CCDC14: variants seen among roughly 807,000 people sequenced by gnomAD.
CCDC14 encodes the protein coiled-coil domain-containing protein 14.
In CCDC14, 71 loss-of-function variants were observed where a neutral mutation model predicts 81.4. The observed-to-expected ratio is 0.87, with a 90% confidence interval of 0.72 to 1.06. The LOEUF (loss-of-function observed/expected upper bound fraction) is 1.06. Ranked by LOEUF, CCDC14 falls within the 50% of genes least tolerant of loss-of-function variation. The pLI, the probability that CCDC14 is intolerant of heterozygous loss-of-function variation, is 0.00. For missense variants in CCDC14, 1,046 were observed against 1,047.3 expected, an observed-to-expected ratio of 1.00 and a Z score of 0.02; for synonymous variants, 332 against 364.8, an observed-to-expected ratio of 0.91 and a Z score of 1.03.
intron 10 of CCDC14, among the ~76,000 whole-genome samples, chr3:123,931,791 GAAT>G (rs1226555757): frequency 1.3e-5 from 2 of 151,996 alleles, no homozygotes; most frequent in Non-Finnish European, 1.5e-5. Flanking sequence ...CCTTTTAAAA[GAAT>G]AATACATGTA....
chr3:123,955,996 AAAT>A (rs1269680036), intron 4 of CCDC14, 31 bp from the exon 5 acceptor site: 3 of 1,529,138 alleles, frequency 2.0e-6, no homozygotes, highest in African/African-American at 2.8e-5. Flanking sequence ...TGTTACATCA[AAAT>A]AATGACTTGA....
At chr3:123,948,442 A>G (rs1386357709) in intron 7 of CCDC14, among the ~76,000 whole-genome samples, 1 of 151,906 alleles carries the variant, frequency 6.6e-6, no homozygotes, top group Non-Finnish European at 1.5e-5. Context: ...GGGTTTCACC[A>G]TGTTGGCCAG....
rs1469569564 is a variant in CCDC14, at chr3:123,956,772, A to G, written c.54T>C (p.Thr18=). 6.5e-7 allele frequency: 1 copy of G among 1,546,306 alleles called. No individual in the cohort carries two copies. Among genetic ancestry groups the G allele is most frequent in the Non-Finnish European group, 8.7e-7 (1 of 1,142,872 alleles). The part of the protein sequence containing the change: ...PGQVLSSGRH[T]GPAKLTNGKK... The stretch of plus-strand genomic sequence containing the variant: ...TTCCATTTGTTAATTTAGCAGGTCC[A>G]GTGTGCCTTCCTGAAGATAACACCT... The change falls in exon 2 of 13, where the codon ACT becomes ACC. Residue 18 remains threonine, a synonymous_variant. Transcript: ENST00000409697.
chr3:123,911,661 G>A (rs1330254331), downstream of CCDC14, among the ~76,000 whole-genome samples: 1 of 152,034 alleles, frequency 6.6e-6, no homozygotes. Flanking sequence ...CAGAATGTCT[G>A]TCCTGTTTAT....
chr3:123,903,855 G>A (rs982999250), intron 5 of CCDC14, among the ~76,000 whole-genome samples: 1 of 152,074 alleles, frequency 6.6e-6, no homozygotes, highest in African/African-American at 2.4e-5. Context: ...CTAAGGTAGT[G>A]TGATTCTGAA....
intron 12 of CCDC14, among the ~76,000 whole-genome samples, chr3:123,920,274 T>C (rs776959142): frequency 6.6e-6 from 1 of 152,134 alleles, no homozygotes; most frequent in Non-Finnish European, 1.5e-5. Context: ...TGAGATACCA[T>C]CTGAGAAACA....
At chr3:123,905,250 T>C (rs2034282553) in intron 5 of CCDC14, among the ~76,000 whole-genome samples, 1 of 152,146 alleles carries the variant, frequency 6.6e-6, no homozygotes, top group Non-Finnish European at 1.5e-5. Context: ...CCAGTGGGTA[T>C]ATAGGAAATG....
chr3:123,951,621 T>C (rs1459317818), intron 5 of CCDC14, among the ~76,000 whole-genome samples: 3 of 152,214 alleles, frequency 2.0e-5, no homozygotes, highest in African/African-American at 7.2e-5. Context: ...CCTTCTGCTC[T>C]TGGATTTCCT....
chr3:123,937,335 TATTA>T (rs1365818584), intron 9 of CCDC14, among the ~76,000 whole-genome samples: 1 of 152,074 alleles, frequency 6.6e-6, no homozygotes, highest in East Asian at 1.9e-4. Context: ...TCCCAACATT[TATTA>T]ATTTTGAATT....
chr3:123,951,889 AC>A (rs562656761), intron 5 of CCDC14, among the ~76,000 whole-genome samples: 148 of 152,318 alleles, frequency 9.7e-4, no homozygotes, highest in African/African-American at 3.4e-3. Flanking sequence ...ACAAATCTCT[AC>A]GGATAATGTT....
At chr3:123,919,460 A>G (rs894013729) in intron 12 of CCDC14, among the ~76,000 whole-genome samples, 2 of 152,142 alleles carry the variant, frequency 1.3e-5, no homozygotes, top group Non-Finnish European at 2.9e-5. Context: ...CTGCCCAATT[A>G]GATTCTAAAC....
In CCDC14 at chr3:123,956,769, T is replaced by C. The variant is rs1165696978; in HGVS notation, c.57A>G (p.Gly19=). The C allele has an allele frequency of 6.5e-7, 1 of 1,546,762 alleles. No individual in the cohort carries two copies. The highest frequency in any genetic ancestry group is 1.4e-5 in the African/African-American group (1 of 72,884). ...GQVLSSGRHT[G]PAKLTNGKKA... ...TCTTTCCATTTGTTAATTTAGCAGG[T>C]CCAGTGTGCCTTCCTGAAGATAACA... Residue 19 remains glycine, a synonymous_variant, in exon 2 of 13, where the codon GGA becomes GGG. Transcript: ENST00000409697.
chr3:123,885,854 T>C, the CCDC14 span, among the ~76,000 whole-genome samples: 1 of 152,182 alleles, frequency 6.6e-6, no homozygotes, highest in Admixed American at 6.5e-5. Context: ...CATTTATTAG[T>C]TCATAAGTGG....
the CCDC14 span, among the ~76,000 whole-genome samples, chr3:123,887,288 A>G: frequency 6.6e-6 from 1 of 152,088 alleles, no homozygotes; most frequent in Non-Finnish European, 1.5e-5. Context: ...ATGTTTATGT[A>G]TCTTTAGTCA....
intron 12 of CCDC14, among the ~76,000 whole-genome samples, chr3:123,916,907 T>TC (rs979600691): frequency 5.9e-5 from 9 of 152,094 alleles, no homozygotes; most frequent in Admixed American, 3.3e-4. Flanking sequence ...TGGGGCATGA[T>TC]CTCAGCTCAC....
chr3:123,942,592 C>A (rs1357846806), intron 9 of CCDC14, among the ~76,000 whole-genome samples: 2 of 152,076 alleles, frequency 1.3e-5, no homozygotes, highest in Admixed American at 6.6e-5. Context: ...TATTTAATTG[C>A]TTTCCAGTTT....
At chr3:123,899,856 G>A (rs566411755) in intron 5 of CCDC14, among the ~76,000 whole-genome samples, 2 of 152,294 alleles carry the variant, frequency 1.3e-5, no homozygotes, top group African/African-American at 4.8e-5. Context: ...AGCCATGGGA[G>A]CACCTCACTA....
At chr3:123,887,911 CTTTTT>C in the CCDC14 span, among the ~76,000 whole-genome samples, 1 of 151,936 alleles carries the variant, frequency 6.6e-6, no homozygotes. Flanking sequence ...TCCCTTAAAT[CTTTTT>C]AATTTCTTTC....
intron 12 of CCDC14, among the ~76,000 whole-genome samples, chr3:123,922,580 A>G: frequency 6.6e-6 from 1 of 152,156 alleles, no homozygotes; most frequent in East Asian, 1.9e-4. Context: ...ACTATGAGCA[A>G]TTATACACCA....
Sources: allele counts gnomAD v4.1 joint callset (sites outside exome capture counted in the v4.1 genomes callset), GRCh38; gene constraint gnomAD v4.1.1; transcripts MANE v1.5; gene names NCBI Gene and HGNC (gene_info 2026-07-23, HGNC 2026-07-21).